Variants in ADCY8 observed in about 807,000 individuals in gnomAD.
The protein encoded by ADCY8 is adenylate cyclase type 8.
A neutral mutation model predicts 119.7 loss-of-function variants in ADCY8; 51 were observed. The ratio of observed to expected loss-of-function variants is 0.43; its 90% CI spans 0.34 to 0.54. ADCY8 has a LOEUF of 0.54. Ranked by LOEUF, ADCY8 falls within the 20% of genes least tolerant of loss-of-function variation. The pLI is 0.03. For synonymous variants in ADCY8, 665 were observed against 651.0 expected (o/e 1.02, Z -0.33); for missense variants, 1,383 against 1,598.8 (o/e 0.87, Z 2.30).
chr8:130,911,289 T>C (rs1436488832), intron 5 of ADCY8, among the ~76,000 whole-genome samples: 1 of 152,218 alleles, frequency 6.6e-6, no homozygotes, highest in Non-Finnish European at 1.5e-5. Flanking sequence ...TGTTATATCA[T>C]CTATCAAAAT....
At chr8:130,855,804 C>T (rs1817712951) in intron 9 of ADCY8, among the ~76,000 whole-genome samples, 1 of 152,106 alleles carries the variant, frequency 6.6e-6, no homozygotes, top group African/African-American at 2.4e-5. Context: ...CCTGTCCACC[C>T]TTCTGCCACT....
At chr8:131,016,061 C>A (rs1414874031) in intron 1 of ADCY8, among the ~76,000 whole-genome samples, 2 of 152,148 alleles carry the variant, frequency 1.3e-5, no homozygotes, top group Non-Finnish European at 2.9e-5. Context: ...GAGAAATGGA[C>A]ATGATCTCCA....
At chr8:131,037,392 T>C (rs921375455) in intron 1 of ADCY8, among the ~76,000 whole-genome samples, 1 of 152,176 alleles carries the variant, frequency 6.6e-6, no homozygotes, top group Non-Finnish European at 1.5e-5. Flanking sequence ...CAAAATTTAC[T>C]TTCTGGATTC....
chr8:130,908,032 T>C (rs1819847478), intron 6 of ADCY8, among the ~76,000 whole-genome samples: 1 of 152,200 alleles, frequency 6.6e-6, no homozygotes. Flanking sequence ...ATTAAGATAA[T>C]TTCTTTCAGC....
At chr8:130,940,274 G>T (rs1008405609) in intron 4 of ADCY8, among the ~76,000 whole-genome samples, 46 of 152,236 alleles carry the variant, frequency 3.0e-4, no homozygotes, top group African/African-American at 1.1e-3. Flanking sequence ...CAAAACTGCA[G>T]GAATTATGGC....
chr8:130,902,829 AAACTGTCAGAT>A (rs941290789), intron 7 of ADCY8, among the ~76,000 whole-genome samples: 2 of 152,076 alleles, frequency 1.3e-5, no homozygotes, highest in African/African-American at 4.8e-5. Context: ...ATCTTATCAG[AAACTGTCAGAT>A]AACTGTCAGA....
chr8:130,850,660 G>C (rs181138230), intron 9 of ADCY8, among the ~76,000 whole-genome samples: 4 of 152,224 alleles, frequency 2.6e-5, no homozygotes, highest in Non-Finnish European at 4.4e-5. Context: ...GAAGTGGAGG[G>C]AAATTTTATA....
intron 17 of ADCY8, among the ~76,000 whole-genome samples, chr8:130,782,425 A>G (rs538819301): frequency 6.6e-6 from 1 of 152,360 alleles, no homozygotes; most frequent in East Asian, 1.9e-4. Flanking sequence ...TGATTCACCC[A>G]AAGTCATACA....
chr8:130,987,961 T>G (rs1454180529), intron 2 of ADCY8, among the ~76,000 whole-genome samples: 1 of 152,172 alleles, frequency 6.6e-6, no homozygotes, highest in Non-Finnish European at 1.5e-5. Flanking sequence ...CACACAATAA[T>G]GCTAATAGAA....
rs140858948 is a variant in ADCY8 at position 130,898,723 on chromosome 8, G to A, written c.1911+5049C>T. ...TCAAAGAGTAGCCTCAGTTCTCTTGGCATATCACTTGTCATAAAAATCCAG... is the reference window on the plus strand; with the variant it reads ...TCAAAGAGTAGCCTCAGTTCTCTTGACATATCACTTGTCATAAAAATCCAG... On this transcript the variant is annotated intron_variant, in intron 7 of 17. Transcript: ENST00000286355. Among the ~76,000 whole-genome samples, 330 of 152,268 alleles carry A rather than the reference G, an allele frequency of 2.2e-3. 2 individuals are homozygous for A. Among genetic ancestry groups the A allele is most frequent in the African/African-American group, 7.4e-3 (309 of 41,554 alleles).
intron 1 of ADCY8, among the ~76,000 whole-genome samples, chr8:131,030,998 A>C (rs1823979575): frequency 6.6e-6 from 1 of 152,200 alleles, no homozygotes; most frequent in South Asian, 2.1e-4. Context: ...CCATGATGAC[A>C]TGAGATGCAG....
At chr8:130,955,605 A>C (rs1396779885) in intron 2 of ADCY8, among the ~76,000 whole-genome samples, 1 of 150,106 alleles carries the variant, frequency 6.7e-6, no homozygotes. Context: ...TAGTACAGTT[A>C]AAATAAATCA....
At chr8:130,945,764 G>C (rs565257186) in intron 3 of ADCY8, among the ~76,000 whole-genome samples, 2 of 152,362 alleles carry the variant, frequency 1.3e-5, no homozygotes, top group East Asian at 1.9e-4. Context: ...ATTCCTAACT[G>C]TTGATGAAGC....
chr8:130,821,930 A>G (rs1816522916), intron 12 of ADCY8, among the ~76,000 whole-genome samples: 1 of 152,204 alleles, frequency 6.6e-6, no homozygotes, highest in African/African-American at 2.4e-5. Flanking sequence ...GTGGGCTGGG[A>G]CAAGAGTCAA....
Position 130,972,113 on chromosome 8 carries a change from T to A in ADCY8, c.1110+18280A>T, listed in dbSNP as rs559440472. On this transcript the variant is annotated intron_variant, in intron 2 of 17. Coordinates refer to ENST00000286355, the MANE Select transcript of ADCY8 (RefSeq NM_001115.3). The stretch of plus-strand genomic sequence containing the variant: ...TGTGTCCTCATACAATCACCACTCT[T>A]ACAAGGAGGAGGGAATACATTATTT... Among the ~76,000 whole-genome samples the A allele has an allele frequency of 7.3e-4, 111 of 152,294 alleles. 3 individuals are homozygous for A. In the South Asian group the frequency reaches 0.019, roughly 26 times the overall value.
intron 9 of ADCY8, among the ~76,000 whole-genome samples, chr8:130,851,848 G>C (rs560743184): frequency 1.3e-5 from 2 of 152,258 alleles, no homozygotes; most frequent in South Asian, 4.2e-4. Context: ...AGTTGATTTT[G>C]GACACAATGC....
chr8:130,959,551 G>A (rs2130678988), intron 2 of ADCY8, among the ~76,000 whole-genome samples: 1 of 152,320 alleles, frequency 6.6e-6, no homozygotes, highest in South Asian at 2.1e-4. Context: ...TGGCAGGATA[G>A]TTGAGGTAGT....
intron 13 of ADCY8, among the ~76,000 whole-genome samples, chr8:130,816,048 A>C (rs952135596): frequency 2.6e-5 from 4 of 152,230 alleles, no homozygotes; most frequent in African/African-American, 9.6e-5. Context: ...TGGTAAACAC[A>C]TGGTGAGCTG....
chr8:130,842,871 CAAA>C (rs35357039), intron 11 of ADCY8, among the ~76,000 whole-genome samples: 2 of 87,286 alleles, frequency 2.3e-5, no homozygotes, highest in Non-Finnish European at 2.2e-5. Flanking sequence ...CACTCTGTCT[CAAA>C]AAAAAAAAAA....
Sources: gnomAD v4.1 joint callset for allele counts (sites outside exome capture counted in the v4.1 genomes callset) on GRCh38, gnomAD v4.1.1 for gene constraint, MANE v1.5 for transcripts, NCBI Gene and HGNC (gene_info 2026-07-23, HGNC 2026-07-21) for gene names.